Variants in NALF1 observed in about 807,000 individuals in gnomAD.
The protein encoded by NALF1 is NALCN channel auxiliary factor 1, also known as family with sequence similarity 155 member A.
In NALF1, 3 loss-of-function variants were observed where a neutral mutation model predicts 48.4. The ratio of observed to expected loss-of-function variants is 0.06; its 90% CI spans 0.03 to 0.16. The LOEUF is 0.16. Ranked by LOEUF, NALF1 falls within the 10% of genes least tolerant of loss-of-function variation. NALF1 has a pLI of 1.00. For missense variants in NALF1, 526 were observed against 571.5 expected (o/e 0.92, Z 0.81); for synonymous variants, 262 against 245.7 (o/e 1.07, Z -0.62).
Position 107,169,146 on chromosome 13 carries a change from T to C in NALF1, c.*1351A>G, listed in dbSNP as rs941649438. On this transcript the variant is annotated 3_prime_UTR_variant, in exon 3 of 3. Coordinates refer to ENST00000375915, the MANE Select transcript of NALF1 (RefSeq NM_001080396.3). ...AAAATACAAACAGTGATCAGACCTC[T>C]TTTCCTCAACTACCTAGAGCATGTT... is the stretch of plus-strand genomic sequence containing the variant. 2.2e-4 allele frequency: 33 copies of C among 152,556 alleles called. No individual in the cohort carries two copies. The highest frequency in any genetic ancestry group is 7.7e-4 in the African/African-American group (32 of 41,436). The allele number at this position is 152,556 out of a possible 1,614,324, so 9.5% of individuals were successfully genotyped here. A position where few individuals can be genotyped will look rare whatever the true frequency, so the allele number is the denominator to read the frequency against.
At chr13:107,392,747 C>T (rs1174578670) in intron 1 of NALF1, among the ~76,000 whole-genome samples, 5 of 152,150 alleles carry the variant, frequency 3.3e-5, no homozygotes, top group Admixed American at 3.3e-4. Context: ...TCTTTCCGCC[C>T]TCTTACACAG....
chr13:107,782,344 T>G (rs1453216450), intron 1 of NALF1, among the ~76,000 whole-genome samples: 1 of 152,172 alleles, frequency 6.6e-6, no homozygotes, highest in Non-Finnish European at 1.5e-5. Context: ...CGGTGTCTGG[T>G]TCACTCAGTG....
At chr13:107,708,898 TTTTCTA>T (rs1875483277) in intron 1 of NALF1, among the ~76,000 whole-genome samples, 1 of 152,184 alleles carries the variant, frequency 6.6e-6, no homozygotes, top group African/African-American at 2.4e-5. Context: ...TTCATTTTAG[TTTTCTA>T]TTTCTAAGTA....
chr13:107,323,290 C>G (rs1055132735), intron 1 of NALF1, among the ~76,000 whole-genome samples: 3 of 152,278 alleles, frequency 2.0e-5, no homozygotes, highest in Admixed American at 2.0e-4. Flanking sequence ...TTGAATAGTT[C>G]TAACAGCTCC....
intron 1 of NALF1, among the ~76,000 whole-genome samples, chr13:107,366,947 C>G (rs1443505361): frequency 1.3e-5 from 2 of 152,156 alleles, no homozygotes; most frequent in African/African-American, 4.8e-5. Flanking sequence ...TTGGCCAGAA[C>G]TTTCTTATGT....
intron 1 of NALF1, among the ~76,000 whole-genome samples, chr13:107,483,975 T>A (rs1885290959): frequency 6.6e-6 from 1 of 152,086 alleles, no homozygotes; most frequent in Non-Finnish European, 1.5e-5. Context: ...GGTATTATTA[T>A]CATAATTTTC....
chr13:107,170,364 T>C lies in NALF1; in HGVS notation c.*133A>G. 1.3e-6 allele frequency: 1 copy of C among 773,060 alleles called. No individual in the cohort carries two copies. Among genetic ancestry groups the C allele is most frequent in the South Asian group, 2.0e-5 (1 of 50,956 alleles). 47.9% of individuals were successfully genotyped at this position (773,060 alleles called of 1,614,324 possible). On this transcript the variant is annotated 3_prime_UTR_variant, in exon 3 of 3. Coordinates refer to ENST00000375915, the MANE Select transcript of NALF1 (RefSeq NM_001080396.3). ...GTCCTTGTTTGGATTCAGGCCCATC[T>C]GTTTAAATTTTACCCTAAAGGCCTT...
chr13:107,433,422 T>G (rs978992926), intron 1 of NALF1, among the ~76,000 whole-genome samples: 4 of 152,142 alleles, frequency 2.6e-5, no homozygotes, highest in African/African-American at 9.7e-5. Context: ...TGATTGCCCA[T>G]TATATATCAA....
chr13:107,389,384 T>C (rs1046909082), intron 1 of NALF1, among the ~76,000 whole-genome samples: 3 of 152,184 alleles, frequency 2.0e-5, no homozygotes, highest in East Asian at 1.9e-4. Context: ...TAATCCATTA[T>C]AGTTGGTGTC....
At chr13:107,754,354 AAC>A (rs6145234) in intron 1 of NALF1, among the ~76,000 whole-genome samples, 19,063 of 142,152 alleles carry the variant, frequency 0.13, 1,218 homozygotes, top group Non-Finnish European at 0.16. Context: ...GTACATTGTG[AAC>A]ACACACACAC....
intron 1 of NALF1, among the ~76,000 whole-genome samples, chr13:107,646,029 C>T (rs1306559796): frequency 6.6e-6 from 1 of 152,090 alleles, no homozygotes; most frequent in Admixed American, 6.6e-5. Flanking sequence ...ATGGGGAAAA[C>T]AGGATGCAGC....
At chr13:107,485,859 G>C (rs1297620672) in intron 1 of NALF1, among the ~76,000 whole-genome samples, 1 of 152,174 alleles carries the variant, frequency 6.6e-6, no homozygotes, top group African/African-American at 2.4e-5. Context: ...GCAGGGTATA[G>C]AGGATGGCTT....
chr13:107,806,548 G>T (rs919151189), intron 1 of NALF1, among the ~76,000 whole-genome samples: 2 of 152,028 alleles, frequency 1.3e-5, no homozygotes, highest in Non-Finnish European at 2.9e-5. Context: ...TTTAAATATG[G>T]TGTCAAAATG....
intron 1 of NALF1, among the ~76,000 whole-genome samples, chr13:107,625,986 T>C (rs745743957): frequency 4.3e-4 from 65 of 152,080 alleles, no homozygotes; most frequent in Non-Finnish European, 8.2e-4. Context: ...CTGGGCTCAA[T>C]AATGCTTATT....
At chr13:107,815,921 A>G (rs1219395564) in intron 1 of NALF1, among the ~76,000 whole-genome samples, 3 of 152,218 alleles carry the variant, frequency 2.0e-5, no homozygotes, top group African/African-American at 7.2e-5. Context: ...AAATTGTTCA[A>G]GACAGGCAAG....
At chr13:107,775,912 G>T (rs919587780) in intron 1 of NALF1, among the ~76,000 whole-genome samples, 6 of 152,208 alleles carry the variant, frequency 3.9e-5, no homozygotes, top group African/African-American at 1.4e-4. Flanking sequence ...GTCAGAGCAG[G>T]TTTACTCTTA....
chr13:107,743,917 G>GA lies in NALF1; in HGVS notation c.915+121764dup, dbSNP rs142561757. Among the ~76,000 whole-genome samples the GA allele has an allele frequency of 4.9e-3, 751 of 152,178 alleles. 5 individuals carry two copies. The highest frequency in any genetic ancestry group is 8.3e-3 in the Non-Finnish European group (567 of 67,978). On this transcript the variant is annotated intron_variant, in intron 1 of 2. Coordinates refer to ENST00000375915, the MANE Select transcript of NALF1 (RefSeq NM_001080396.3). Reference sequence around the variant, plus strand: ...AACAGCATCATCAGAAAGTGCTTTAGAAAAAAATGATCCTTTAGTTATGCA... The same window carrying GA: ...AACAGCATCATCAGAAAGTGCTTTAGAAAAAAAATGATCCTTTAGTTATGCA...
At chr13:107,807,073 T>C (rs1342963047) in intron 1 of NALF1, among the ~76,000 whole-genome samples, 1 of 152,160 alleles carries the variant, frequency 6.6e-6, no homozygotes, top group Non-Finnish European at 1.5e-5. Context: ...CTTCTAAAAG[T>C]ACATAATAGT....
At chr13:107,864,891 TA>T (rs1880667097) in intron 1 of NALF1, among the ~76,000 whole-genome samples, 1 of 152,224 alleles carries the variant, frequency 6.6e-6, no homozygotes, top group Non-Finnish European at 1.5e-5. Context: ...TACAGACTAT[TA>T]AATATTTCAG....
Sources: allele counts gnomAD v4.1 joint callset (sites outside exome capture counted in the v4.1 genomes callset), GRCh38; gene constraint gnomAD v4.1.1; transcripts MANE v1.5; gene names NCBI Gene and HGNC (gene_info 2026-07-23, HGNC 2026-07-21).